The following ZNF831 variants were observed in gnomAD, a reference collection of about 807,000 sequenced individuals.
The protein encoded by ZNF831 is zinc finger protein 831.
A neutral mutation model predicts 95.8 loss-of-function variants in ZNF831; 59 were observed. The observed-to-expected ratio is 0.62, with a 90% CI of 0.50 to 0.77. The LOEUF (loss-of-function observed/expected upper bound fraction) is 0.77, where lower values mean the gene tolerates loss of function less well. ZNF831 is among the 30% of genes least tolerant of loss of function. The pLI is 0.00. For synonymous variants in ZNF831, 961 were observed against 925.5 expected (o/e 1.04, Z -0.70); for missense variants, 2,205 against 2,164.0 (o/e 1.02, Z -0.38).
chr20:59,148,052 C>T (rs1055238434), intron 2 of ZNF831, among the ~76,000 whole-genome samples: 3 of 152,216 alleles, frequency 2.0e-5, no homozygotes, highest in Admixed American at 1.3e-4. Flanking sequence ...TTAGAAGAGA[C>T]GTCCCTTATA....
At chr20:59,187,018 A>G (rs1983103176) in intron 1 of ZNF831, among the ~76,000 whole-genome samples, 1 of 152,030 alleles carries the variant, frequency 6.6e-6, no homozygotes, top group Non-Finnish European at 1.5e-5. Context: ...GGCCAGTTCA[A>G]GCTGTGAACA....
chr20:59,151,050 T>G (rs183173), intron 2 of ZNF831, among the ~76,000 whole-genome samples: 34,891 of 152,140 alleles, frequency 0.23, 5,649 homozygotes, highest in African/African-American at 0.47. Flanking sequence ...TTTCCGATAG[T>G]GCAGGGGTAC....
At chr20:59,152,464 G>T (rs1980300588) in intron 2 of ZNF831, among the ~76,000 whole-genome samples, 1 of 152,154 alleles carries the variant, frequency 6.6e-6, no homozygotes, top group African/African-American at 2.4e-5. Flanking sequence ...GTGGAGGAGA[G>T]CCTGGGGGCC....
rs146957311 is a variant in ZNF831, at chr20:59,183,258, C to T, written c.-36-7726C>T. ...CACCTTGGAGCCAGGCCTGACCTTA[C>T]CCTCCTGCCTGGACTTGCCAGCACC... On this transcript the variant is annotated intron_variant, in intron 1 of 5. Coordinates refer to ENST00000371030, the MANE Select transcript of ZNF831 (RefSeq NM_178457.3). Among the ~76,000 whole-genome samples, 410 of 152,330 alleles carry T rather than the reference C, an allele frequency of 2.7e-3. 6 individuals carry two copies. The highest frequency in any genetic ancestry group is 9.3e-3 in the African/African-American group (388 of 41,574).
intron 2 of ZNF831, among the ~76,000 whole-genome samples, chr20:59,147,422 C>T (rs997975717): frequency 6.6e-6 from 1 of 152,250 alleles, no homozygotes; most frequent in Non-Finnish European, 1.5e-5. Flanking sequence ...CCAGAATGTT[C>T]TGCTCTCTGA....
intron 2 of ZNF831, among the ~76,000 whole-genome samples, chr20:59,149,414 C>T (rs1980090184): frequency 6.6e-6 from 1 of 152,160 alleles, no homozygotes; most frequent in African/African-American, 2.4e-5. Context: ...TGTAATGGCC[C>T]CATGTGGTTG....
rs200287773 is a variant in ZNF831 at position 59,191,412 on chromosome 20, G to C, written c.393G>C (p.Thr131=). ...TCCTGTCGCCGGGCCTGGGCCCCAC[G>C]CTGGGCAGCCCAGGCAAGGTGCGGA... ...LPVLSPGLGP[T]LGSPGKVRNA... The change falls in exon 2 of 6, where the codon ACG becomes ACC. Residue 131 remains threonine, a synonymous_variant. Transcript: ENST00000371030. The C allele has an allele frequency of 1.2e-6, 2 of 1,611,016 alleles. No homozygotes were observed. Among genetic ancestry groups the C allele is most frequent in the Admixed American group, 1.7e-5 (1 of 59,880 alleles).
intron 1 of ZNF831, among the ~76,000 whole-genome samples, chr20:59,140,609 A>G (rs147363544): frequency 6.6e-6 from 1 of 152,302 alleles, no homozygotes; most frequent in African/African-American, 2.4e-5. Flanking sequence ...CTCCAATGCT[A>G]ACGTCTTATT....
chr20:59,192,883 G>A lies in ZNF831; in HGVS notation c.1864G>A (p.Val622Met), dbSNP rs1568755345. Reference sequence around the variant, plus strand: ...GATGTTCTCCCAGGAGAAGTGGCAGGTGTACGGGGATGAGACGTTCAAAAG... The same window carrying A: ...GATGTTCTCCCAGGAGAAGTGGCAGATGTACGGGGATGAGACGTTCAAAAG... Reference protein sequence around the residue: ...LKMFSQEKWQVYGDETFKRIY... With the variant: ...LKMFSQEKWQMYGDETFKRIY... The change falls in exon 2 of 6, where the codon GTG (valine) becomes ATG (methionine). Residue 622 changes from valine (V) to methionine (M), a missense_variant. Val to Met is a conservative substitution (Grantham distance 21). Transcript: ENST00000371030. This position sits in a 1 kb window ranked among gnomAD's most constrained non-coding sequence, Gnocchi z 5.2. 7 of 1,598,704 alleles carry A rather than the reference G, an allele frequency of 4.4e-6. No individual in the cohort carries two copies. The highest frequency in any genetic ancestry group is 1.7e-4 in the Middle Eastern group (1 of 5,950).
chr20:59,192,172 G>T lies in ZNF831; in HGVS notation c.1153G>T (p.Val385Phe). 3 of 1,565,094 alleles carry T rather than the reference G, an allele frequency of 1.9e-6. No homozygotes were observed. Among genetic ancestry groups the T allele is most frequent in the Non-Finnish European group, 2.6e-6 (3 of 1,159,976 alleles). The change falls in exon 2 of 6, where the codon GTC becomes TTC. Residue 385 changes from valine (V) to phenylalanine (F), a missense_variant. Physicochemically the swap from Val to Phe is conservative, Grantham distance 50. Transcript: ENST00000371030. The surrounding 1 kb of genome is among the most constrained non-coding windows in gnomAD (Gnocchi z 5.2). ...GGGCGGCCCGGGCCCGGGGCCAGGG[G>T]TCGCAGGGGCCGAGCCCGGGGCGCG... Reference protein sequence around the residue: ...GEGGPGPGPGVAGAEPGAREA... With the variant: ...GEGGPGPGPGFAGAEPGAREA...
Position 59,195,970 on chromosome 20 carries a change from C to T in ZNF831, c.3840C>T (p.Asn1280=), listed in dbSNP as rs867584060. Residue 1280 remains asparagine, a synonymous_variant, in exon 3 of 6, where the codon AAC becomes AAT. Transcript: ENST00000371030. ...GGAGGGCAAAGATGTCTCGTGGGAA[C>T]AGCAAGCAGAGAAAACTGAAGATCA... ...LPWRAKMSRG[N]SKQRKLKINP... The T allele has an allele frequency of 6.2e-7, 1 of 1,614,012 alleles. No homozygotes were observed. Among genetic ancestry groups the T allele is most frequent in the Non-Finnish European group, 8.5e-7 (1 of 1,180,016 alleles).
intron 4 of ZNF831, among the ~76,000 whole-genome samples, chr20:59,221,509 C>T (rs1986072174): frequency 6.6e-6 from 1 of 152,226 alleles, no homozygotes; most frequent in Admixed American, 6.5e-5. Flanking sequence ...GGGGAATCTG[C>T]TCCAAAAACA....
Position 59,195,883 on chromosome 20 carries a change from A to G in ZNF831, c.3753A>G (p.Thr1251=). ...GGTGTTTTCAGTTCTCCTACCCAAC[A>G]GTCCCAGGGGTGATGCCCCAGCACC... is the stretch of plus-strand genomic sequence containing the variant. ...PAQMSKFSYP[T]VPGVMPQHQV... is the part of the protein sequence containing the mutation. The change falls in exon 3 of 6, where the codon ACA becomes ACG. Residue 1251 remains threonine (T), a synonymous_variant. Transcript: ENST00000371030. The G allele has an allele frequency of 1.9e-6, 3 of 1,613,236 alleles. No individual in the cohort carries two copies. Among genetic ancestry groups the G allele is most frequent in the Non-Finnish European group, 2.5e-6 (3 of 1,179,730 alleles).
intron 4 of ZNF831, among the ~76,000 whole-genome samples, chr20:59,229,805 G>A (rs980573235): frequency 1.3e-5 from 2 of 152,104 alleles, no homozygotes; most frequent in Non-Finnish European, 2.9e-5. Flanking sequence ...TTTCAGGCAG[G>A]GGGGAAGGAA....
At chr20:59,136,393 C>T (rs1049661452) in intron 1 of ZNF831, among the ~76,000 whole-genome samples, 5 of 152,186 alleles carry the variant, frequency 3.3e-5, no homozygotes, top group Non-Finnish European at 5.9e-5. Context: ...CCTTTTGCAG[C>T]GGTACCTAGA....
intron 4 of ZNF831, among the ~76,000 whole-genome samples, chr20:59,244,344 A>G (rs1185879063): frequency 2.6e-5 from 4 of 152,334 alleles, no homozygotes; most frequent in African/African-American, 9.6e-5. Flanking sequence ...AATTTTAGTT[A>G]CTGGTGTGTG....
chr20:59,127,952 C>T (rs1476631095), intron 1 of ZNF831, among the ~76,000 whole-genome samples: 1 of 152,226 alleles, frequency 6.6e-6, no homozygotes, highest in Admixed American at 6.5e-5. Context: ...GCCTAGGAGA[C>T]ACTCCTTCGC....
intron 1 of ZNF831, among the ~76,000 whole-genome samples, chr20:59,185,103 C>T (rs1009241100): frequency 2.0e-5 from 3 of 152,190 alleles, no homozygotes; most frequent in East Asian, 1.9e-4. Context: ...AGCCTTCTAG[C>T]GAGCTGCTTT....
intron 5 of ZNF831, among the ~76,000 whole-genome samples, chr20:59,253,673 C>T (rs954442571): frequency 2.0e-5 from 3 of 152,088 alleles, no homozygotes; most frequent in Non-Finnish European, 2.9e-5. Context: ...AAGCACAGGA[C>T]GTCAGCAACC....
Sources: allele counts gnomAD v4.1 joint callset (sites outside exome capture counted in the v4.1 genomes callset), GRCh38; gene constraint gnomAD v4.1.1; non-coding constraint Gnocchi (gnomAD v3.1); transcripts MANE v1.5; gene names NCBI Gene and HGNC (gene_info 2026-07-23, HGNC 2026-07-21).